Variants in CTNNA3 observed in about 807,000 individuals in gnomAD.
The protein encoded by CTNNA3 is catenin alpha-3.
CTNNA3 carries 76 observed loss-of-function variants against 95.7 expected under a neutral mutation model. The ratio of observed to expected loss-of-function variants is 0.79; its 90% confidence interval spans 0.66 to 0.96. The LOEUF (loss-of-function observed/expected upper bound fraction) is 0.96. Ranked by LOEUF, CTNNA3 falls within the 40% of genes least tolerant of loss-of-function variation. CTNNA3 has a pLI of 0.00. For synonymous variants in CTNNA3, 431 were observed against 374.4 expected, an observed-to-expected ratio of 1.15 and a Z score of -1.74; for missense variants, 1,191 against 1,089.8, an observed-to-expected ratio of 1.09 and a Z score of -1.31.
At chr10:67,493,738 T>C (rs1342386428) in intron 5 of CTNNA3, among the ~76,000 whole-genome samples, 1 of 152,170 alleles carries the variant, frequency 6.6e-6, no homozygotes, top group Admixed American at 6.5e-5. Context: ...ACTCCCTCGC[T>C]TCTGTCCAAA....
chr10:66,210,450 C>A (rs1431117559), intron 13 of CTNNA3, among the ~76,000 whole-genome samples: 2 of 151,740 alleles, frequency 1.3e-5, no homozygotes, highest in Admixed American at 1.3e-4. Flanking sequence ...AATTAAAAGG[C>A]CCAAGTTATT....
chr10:65,973,795 A>C (rs959629249), intron 16 of CTNNA3, among the ~76,000 whole-genome samples: 2 of 152,090 alleles, frequency 1.3e-5, no homozygotes, highest in Admixed American at 1.3e-4. Flanking sequence ...TCTTCTGATA[A>C]TGCACTATCC....
At chr10:67,521,028 A>G (rs1358694025) in intron 5 of CTNNA3, among the ~76,000 whole-genome samples, 1 of 152,230 alleles carries the variant, frequency 6.6e-6, no homozygotes. Flanking sequence ...CATGGAGCAC[A>G]TTACCGAATT....
In CTNNA3 at chr10:65,919,196, T is replaced by C. The variant is rs990763397; in HGVS notation, c.*1134A>G. ...GAGAGAATGACAGAGAGAGGTACAC[T>C]AGACTCTAAGACTATTATGAAGTCC... On this transcript the variant is annotated 3_prime_UTR_variant, in exon 18 of 18. Transcript: ENST00000433211. 1 of 151,992 alleles carries C rather than the reference T, an allele frequency of 6.6e-6. No homozygotes were observed. The highest frequency in any genetic ancestry group is 1.5e-5 in the Non-Finnish European group (1 of 67,974). 9.4% of individuals were successfully genotyped at this position (151,992 alleles called of 1,614,324 possible).
chr10:67,451,534 T>C (rs1228871765), intron 5 of CTNNA3, among the ~76,000 whole-genome samples: 3 of 152,010 alleles, frequency 2.0e-5, no homozygotes, highest in South Asian at 4.1e-4. Context: ...AAACAGACAA[T>C]TCATGAAAGA....
At chr10:67,688,081 G>T (rs533293108) in intron 1 of CTNNA3, among the ~76,000 whole-genome samples, 1 of 152,296 alleles carries the variant, frequency 6.6e-6, no homozygotes, top group African/African-American at 2.4e-5. Flanking sequence ...TGACCTAATA[G>T]CATGATATCT....
intron 7 of CTNNA3, among the ~76,000 whole-genome samples, chr10:66,840,206 A>G (rs1476231151): frequency 6.6e-6 from 1 of 152,096 alleles, no homozygotes; most frequent in East Asian, 1.9e-4. Context: ...GACTGACTGA[A>G]TTAGATGGAA....
chr10:66,346,244 T>TAGAG (rs1414198702), intron 12 of CTNNA3, among the ~76,000 whole-genome samples: 18 of 9,032 alleles, frequency 2.0e-3, no homozygotes, highest in African/African-American at 5.2e-3. Flanking sequence ...TATATATATA[T>TAGAG]ATAGAGAGAG....
At chr10:67,348,031 A>G (rs1212302060) in intron 5 of CTNNA3, among the ~76,000 whole-genome samples, 1 of 152,174 alleles carries the variant, frequency 6.6e-6, no homozygotes, top group Non-Finnish European at 1.5e-5. Flanking sequence ...GATCTTCAAC[A>G]AGGGTGCCAA....
At chr10:67,479,070 T>C (rs1306768065) in intron 5 of CTNNA3, among the ~76,000 whole-genome samples, 3 of 152,100 alleles carry the variant, frequency 2.0e-5, no homozygotes, top group African/African-American at 2.4e-5. Context: ...CCTAAATATA[T>C]ACAGACTCAA....
intron 10 of CTNNA3, among the ~76,000 whole-genome samples, chr10:66,590,023 T>G (rs543023773): frequency 9.3e-4 from 142 of 152,218 alleles, no homozygotes; most frequent in African/African-American, 3.3e-3. Context: ...GAAAAAAAGT[T>G]TGGTAGCCTA....
At chr10:66,722,748 AGGCAC>A in intron 9 of CTNNA3, among the ~76,000 whole-genome samples, 1 of 151,880 alleles carries the variant, frequency 6.6e-6, no homozygotes, top group Middle Eastern at 3.2e-3. Flanking sequence ...CTTTGCTCAT[AGGCAC>A]AACTGTAAAC....
At chr10:67,376,388 G>T (rs1347887448) in intron 5 of CTNNA3, among the ~76,000 whole-genome samples, 1 of 152,138 alleles carries the variant, frequency 6.6e-6, no homozygotes, top group African/African-American at 2.4e-5. Context: ...TTGGTCTTAG[G>T]TTAATCAGTT....
intron 16 of CTNNA3, among the ~76,000 whole-genome samples, chr10:65,972,341 A>G (rs756056857): frequency 6.6e-6 from 1 of 152,136 alleles, no homozygotes; most frequent in Non-Finnish European, 1.5e-5. Context: ...AGCCACAGCA[A>G]TCAGGCAAAA....
intron 15 of CTNNA3, among the ~76,000 whole-genome samples, chr10:66,062,111 A>G (rs981284182): frequency 1.3e-5 from 2 of 152,168 alleles, no homozygotes; most frequent in African/African-American, 2.4e-5. Context: ...AATGGAGGGT[A>G]TAATAATCAA....
intron 11 of CTNNA3, among the ~76,000 whole-genome samples, chr10:66,496,265 C>T (rs745959037): frequency 3.3e-5 from 5 of 151,926 alleles, no homozygotes; most frequent in African/African-American, 7.2e-5. Flanking sequence ...TTTAAAATTC[C>T]GTAGTATAAT....
intron 15 of CTNNA3, among the ~76,000 whole-genome samples, chr10:65,995,170 G>A (rs2078630164): frequency 6.6e-6 from 1 of 150,606 alleles, no homozygotes; most frequent in African/African-American, 2.4e-5. Context: ...CTTTTTTATT[G>A]TAATATCTTG....
At chr10:66,457,046 AT>A (rs2093499352) in intron 11 of CTNNA3, among the ~76,000 whole-genome samples, 1 of 152,006 alleles carries the variant, frequency 6.6e-6, no homozygotes, top group South Asian at 2.1e-4. Context: ...ATGAGCTTTG[AT>A]TGTACCACCC....
At chr10:66,428,041 T>G (rs2093258464) in intron 11 of CTNNA3, among the ~76,000 whole-genome samples, 1 of 151,922 alleles carries the variant, frequency 6.6e-6, no homozygotes, top group South Asian at 2.1e-4. Flanking sequence ...GGGCTCAAAA[T>G]AAAAGGATGG....
Sources: allele counts gnomAD v4.1 joint callset (sites outside exome capture counted in the v4.1 genomes callset), GRCh38; gene constraint gnomAD v4.1.1; transcripts MANE v1.5; gene names NCBI Gene and HGNC (gene_info 2026-07-23, HGNC 2026-07-21).